SBF2: variants seen among roughly 807,000 people sequenced by gnomAD.
SBF2 encodes the protein myotubularin-related protein 13.
In SBF2, 112 loss-of-function variants were observed where a neutral mutation model predicts 225.2. That is an observed-to-expected ratio of 0.50 (90% CI 0.43 to 0.58). SBF2 has a LOEUF of 0.58. SBF2 is among the 20% of genes least tolerant of loss of function. SBF2 has a pLI of 0.00. For synonymous variants in SBF2, 763 were observed against 773.3 expected, an observed-to-expected ratio of 0.99 and a Z score of 0.22; for missense variants, 1,996 against 2,206.2, an observed-to-expected ratio of 0.90 and a Z score of 1.91.
chr11:10,067,513 G>C (rs1950671047), intron 2 of SBF2, among the ~76,000 whole-genome samples: 1 of 151,794 alleles, frequency 6.6e-6, no homozygotes, highest in African/African-American at 2.4e-5. Context: ...CTGATTCCAA[G>C]AATTGTGGTA....
chr11:9,931,580 C>T (rs572718226), intron 16 of SBF2, among the ~76,000 whole-genome samples: 29 of 151,246 alleles, frequency 1.9e-4, no homozygotes, highest in African/African-American at 6.8e-4. Context: ...AGGAATAGCA[C>T]CAACATCAAC....
At chr11:10,153,160 T>G (rs1955299201) in intron 2 of SBF2, among the ~76,000 whole-genome samples, 1 of 152,138 alleles carries the variant, frequency 6.6e-6, no homozygotes, top group African/African-American at 2.4e-5. Flanking sequence ...GAATAGTAAC[T>G]CTGGTGATAG....
At chr11:10,204,128 G>A (rs927906471) in intron 1 of SBF2, among the ~76,000 whole-genome samples, 4 of 150,872 alleles carry the variant, frequency 2.7e-5, no homozygotes, top group Non-Finnish European at 5.9e-5. Context: ...AAAACAGCTG[G>A]AGAAAAAAGA....
chr11:10,097,072 G>A (rs1435028394), intron 2 of SBF2, among the ~76,000 whole-genome samples: 1 of 152,170 alleles, frequency 6.6e-6, no homozygotes, highest in Non-Finnish European at 1.5e-5. Flanking sequence ...GTATTCAGAG[G>A]TGAGGCCTTC....
intron 1 of SBF2, among the ~76,000 whole-genome samples, chr11:10,224,515 A>T (rs1958463682): frequency 6.6e-6 from 1 of 152,150 alleles, no homozygotes; most frequent in African/African-American, 2.4e-5. Context: ...CTACCTCCAC[A>T]ACGTCATTCA....
Position 9,953,862 on chromosome 11 carries a change from G to A in SBF2, c.1860+8095C>T, listed in dbSNP as rs190965410. ...TATGTTAGTGAGAAGGTTCCTCATC[G>A]TATATGCAATTTAACATAATGCTGG... On this transcript the variant is annotated intron_variant, in intron 16 of 39. Coordinates refer to ENST00000256190, the MANE Select transcript of SBF2 (RefSeq NM_030962.4). Among the ~76,000 whole-genome samples the A allele has an allele frequency of 3.8e-3, 584 of 152,108 alleles. 4 individuals carry two copies. Among genetic ancestry groups the A allele is most frequent in the South Asian group, 5.6e-3 (27 of 4,798 alleles).
chr11:9,925,572 G>C (rs954509727), intron 16 of SBF2, among the ~76,000 whole-genome samples: 1 of 152,144 alleles, frequency 6.6e-6, no homozygotes, highest in Non-Finnish European at 1.5e-5. Context: ...CACCGTGCCC[G>C]TCCACTAATG....
Position 10,172,904 on chromosome 11 carries a change from C to A in SBF2, c.141+20998G>T, listed in dbSNP as rs1008750886. On this transcript the variant is annotated intron_variant, in intron 2 of 39. Coordinates refer to ENST00000256190, the MANE Select transcript of SBF2 (RefSeq NM_030962.4). The stretch of plus-strand genomic sequence containing the variant: ...GCTGGTCTTGAACTACCGATCTCCA[C>A]TGACCCGCCCACCTTGGCCTCCCAA... Among the ~76,000 whole-genome samples the A allele has an allele frequency of 4.6e-5, 7 of 152,088 alleles. 1 individual carries two copies. The highest frequency in any genetic ancestry group is 1.3e-4 in the Admixed American group (2 of 15,272).
intron 1 of SBF2, among the ~76,000 whole-genome samples, chr11:10,250,582 T>C (rs757372466): frequency 1.1e-3 from 164 of 152,326 alleles, no homozygotes; most frequent in East Asian, 1.7e-3. Context: ...ACCTGATGGG[T>C]CATTTAAACA....
intron 1 of SBF2, among the ~76,000 whole-genome samples, chr11:10,234,006 G>A (rs895522725): frequency 6.6e-6 from 1 of 152,074 alleles, no homozygotes; most frequent in African/African-American, 2.4e-5. Context: ...CTCCACCTCA[G>A]CATCTTCTTC....
intron 16 of SBF2, among the ~76,000 whole-genome samples, chr11:9,934,090 A>G (rs1864705046): frequency 6.6e-6 from 1 of 151,610 alleles, no homozygotes; most frequent in South Asian, 2.1e-4. Flanking sequence ...AAAAATAAAT[A>G]AATAAAAATA....
chr11:10,084,217 C>A (rs992347282), intron 2 of SBF2, among the ~76,000 whole-genome samples: 3 of 151,896 alleles, frequency 2.0e-5, no homozygotes, highest in African/African-American at 7.3e-5. Flanking sequence ...AACAAACCTG[C>A]ACATCCTGCA....
intron 13 of SBF2, among the ~76,000 whole-genome samples, chr11:9,974,989 GA>G (rs1327838236): frequency 1.2e-4 from 8 of 68,358 alleles, no homozygotes; most frequent in Non-Finnish European, 1.2e-4. Flanking sequence ...AAAAAAAAAA[GA>G]AAAAAAGAAA....
intron 1 of SBF2, among the ~76,000 whole-genome samples, chr11:10,278,244 A>G (rs1449478676): frequency 2.0e-5 from 3 of 152,228 alleles, no homozygotes; most frequent in Non-Finnish European, 4.4e-5. Context: ...ATAACTAAAA[A>G]CTTATGAAAA....
intron 2 of SBF2, among the ~76,000 whole-genome samples, chr11:10,134,580 A>G (rs1954256013): frequency 6.6e-6 from 1 of 152,234 alleles, no homozygotes; most frequent in Non-Finnish European, 1.5e-5. Context: ...TTGGGTAAAT[A>G]CAGCCATTTC....
intron 6 of SBF2, among the ~76,000 whole-genome samples, chr11:10,026,125 C>A (rs1250753534): frequency 6.6e-6 from 1 of 150,552 alleles, no homozygotes; most frequent in East Asian, 2.0e-4. Flanking sequence ...TGTTTAATAT[C>A]CCTGGTCCTT....
intron 2 of SBF2, among the ~76,000 whole-genome samples, chr11:10,113,165 T>C (rs1195514431): frequency 6.6e-6 from 1 of 152,142 alleles, no homozygotes; most frequent in Non-Finnish European, 1.5e-5. Flanking sequence ...GGCTGATTTT[T>C]TAATTTTTTA....
At chr11:10,033,070 T>G (rs905696021) in intron 3 of SBF2, among the ~76,000 whole-genome samples, 1 of 152,242 alleles carries the variant, frequency 6.6e-6, no homozygotes, top group Non-Finnish European at 1.5e-5. Context: ...GATTTTCATT[T>G]ATTACAAAGC....
intron 2 of SBF2, among the ~76,000 whole-genome samples, chr11:10,110,400 T>G (rs1952781756): frequency 6.6e-6 from 1 of 152,130 alleles, no homozygotes; most frequent in Non-Finnish European, 1.5e-5. Context: ...ATAGAAAATT[T>G]TAAAACAATT....
Sources: allele counts gnomAD v4.1 joint callset (sites outside exome capture counted in the v4.1 genomes callset), GRCh38; gene constraint gnomAD v4.1.1; transcripts MANE v1.5; gene names NCBI Gene and HGNC (gene_info 2026-07-23, HGNC 2026-07-21).